Variants in SLC22A3 observed in about 807,000 individuals in gnomAD.
SLC22A3 encodes the protein EMT organic cation transporter 3.
SLC22A3 carries 51 observed loss-of-function variants against 59.1 expected under a neutral mutation model. That is an observed-to-expected ratio of 0.86 (90% CI 0.69 to 1.09). The LOEUF (loss-of-function observed/expected upper bound fraction) is 1.09. SLC22A3 is among the 50% of genes least tolerant of loss of function. SLC22A3 has a pLI of 0.00. For synonymous variants in SLC22A3, 325 were observed against 292.0 expected (o/e 1.11, Z -1.15); for missense variants, 711 against 726.3 (o/e 0.98, Z 0.24).
chr6:160,437,404 T>C (rs1428360435), intron 7 of SLC22A3, among the ~76,000 whole-genome samples, 193 bp downstream of exon 7: 1 of 152,258 alleles, frequency 6.6e-6, no homozygotes, highest in Non-Finnish European at 1.5e-5. Context: ...GATTCTCTTT[T>C]CTCAATTGCT....
intron 1 of SLC22A3, among the ~76,000 whole-genome samples, chr6:160,395,328 C>A (rs113199375): frequency 0.011 from 1,657 of 152,268 alleles, 39 homozygotes; most frequent in African/African-American, 0.037. Context: ...AAGGCAAGCT[C>A]TTGATAGGCC....
intron 1 of SLC22A3, among the ~76,000 whole-genome samples, chr6:160,372,327 C>T (rs182407484): frequency 3.9e-5 from 6 of 152,316 alleles, no homozygotes; most frequent in African/African-American, 1.4e-4. Flanking sequence ...TACTGGCCCC[C>T]ACTCTCTTCT....
At chr6:160,433,515 T>TCTACTACTACTACTACTACTACTA (rs3066966) in intron 5 of SLC22A3, among the ~76,000 whole-genome samples, 3 of 146,870 alleles carry the variant, frequency 2.0e-5, no homozygotes, top group Non-Finnish European at 3.0e-5. Context: ...AGACCCTGTC[T>TCTACTACTACTACTACTACTACTA]CTACTACTAC....
At chr6:160,425,592 T>C (rs1340508891) in intron 5 of SLC22A3, among the ~76,000 whole-genome samples, 1 of 152,166 alleles carries the variant, frequency 6.6e-6, no homozygotes, top group Admixed American at 6.5e-5. Context: ...CTTATTTTCA[T>C]CATATAAATA....
intron 1 of SLC22A3, among the ~76,000 whole-genome samples, chr6:160,392,986 A>G (rs1786322698): frequency 6.6e-6 from 1 of 151,918 alleles, no homozygotes; most frequent in South Asian, 2.1e-4. Flanking sequence ...TCCATTGACA[A>G]CTCATCCCTA....
At chr6:160,441,607 CTTTTTT>C (rs3066987) in intron 7 of SLC22A3, among the ~76,000 whole-genome samples, 1 of 136,600 alleles carries the variant, frequency 7.3e-6, no homozygotes, top group East Asian at 2.1e-4. Flanking sequence ...TGAATTTTAG[CTTTTTT>C]TTTTTTTTTT....
chr6:160,355,724 A>T (rs544842267), intron 1 of SLC22A3, among the ~76,000 whole-genome samples: 1 of 152,126 alleles, frequency 6.6e-6, no homozygotes, highest in Non-Finnish European at 1.5e-5. Context: ...GTAAGCTGAG[A>T]TCGCACCACT....
At chr6:160,433,515 T>TCTA (rs3066966) in intron 5 of SLC22A3, among the ~76,000 whole-genome samples, 35,228 of 146,650 alleles carry the variant, frequency 0.24, 4,496 homozygotes, top group African/African-American at 0.33. Context: ...AGACCCTGTC[T>TCTA]CTACTACTAC....
At chr6:160,408,727 G>T in intron 3 of SLC22A3, 26 bp from the exon 4 acceptor site, 1 of 1,612,100 alleles carries the variant, frequency 6.2e-7, no homozygotes. Context: ...GTGCTTCTGT[G>T]ACCTCTTGTG....
chr6:160,390,289 G>T (rs1005809102), intron 1 of SLC22A3, among the ~76,000 whole-genome samples: 1 of 152,092 alleles, frequency 6.6e-6, no homozygotes, highest in Non-Finnish European at 1.5e-5. Flanking sequence ...AAGCAAGAGC[G>T]GCAGGAAGGA....
intron 1 of SLC22A3, among the ~76,000 whole-genome samples, chr6:160,384,624 A>G (rs987078615): frequency 2.0e-5 from 3 of 152,096 alleles, no homozygotes; most frequent in African/African-American, 7.2e-5. Context: ...GAGCATCCAG[A>G]TCCCCAGATC....
chr6:160,407,301 AGGTTT>A, intron 3 of SLC22A3, 106 bp downstream of exon 3: 1 of 1,169,144 alleles, frequency 8.6e-7, no homozygotes, highest in Non-Finnish European at 1.2e-6. Context: ...TTAACAAAGG[AGGTTT>A]CACTGCAGCT....
chr6:160,403,790 T>A (rs2114845256), intron 2 of SLC22A3, among the ~76,000 whole-genome samples: 1 of 151,528 alleles, frequency 6.6e-6, no homozygotes. Context: ...ATCAATCACA[T>A]CGACAAACTA....
chr6:160,391,168 T>A (rs1381486351), intron 1 of SLC22A3, among the ~76,000 whole-genome samples: 1 of 152,152 alleles, frequency 6.6e-6, no homozygotes, highest in East Asian at 1.9e-4. Flanking sequence ...AGGTTTCAGG[T>A]AGACATAAAA....
chr6:160,429,714 G>A (rs1026007152), intron 5 of SLC22A3, among the ~76,000 whole-genome samples: 2 of 152,132 alleles, frequency 1.3e-5, no homozygotes, highest in African/African-American at 2.4e-5. Flanking sequence ...GCAAGGTTGC[G>A]TACGTGGTAT....
At chr6:160,407,012 T>C (rs2114851602) in intron 2 of SLC22A3, 29 bp from the exon 3 acceptor site, 1 of 1,612,344 alleles carries the variant, frequency 6.2e-7, no homozygotes, top group East Asian at 2.2e-5. Context: ...ATGTTTAAGG[T>C]GAGCTCTTTT....
intron 1 of SLC22A3, among the ~76,000 whole-genome samples, chr6:160,376,358 G>A (rs560647018): frequency 2.6e-5 from 4 of 151,996 alleles, no homozygotes; most frequent in Non-Finnish European, 5.9e-5. Context: ...GGGGCAGGGG[G>A]GTGGTGCGGA....
chr6:160,402,418 T>C (rs1368686951), intron 2 of SLC22A3, among the ~76,000 whole-genome samples: 1 of 151,806 alleles, frequency 6.6e-6, no homozygotes, highest in Non-Finnish European at 1.5e-5. Flanking sequence ...GAATGAGAAA[T>C]AGATTAATCC....
At chr6:160,423,524 A>C (rs1334950103) in intron 5 of SLC22A3, among the ~76,000 whole-genome samples, 1 of 152,122 alleles carries the variant, frequency 6.6e-6, no homozygotes, top group Non-Finnish European at 1.5e-5. Flanking sequence ...AATGATTGCC[A>C]TTCTAACTGG....
Sources: allele counts gnomAD v4.1 joint callset (sites outside exome capture counted in the v4.1 genomes callset), GRCh38; gene constraint gnomAD v4.1.1; transcripts MANE v1.5; gene names NCBI Gene and HGNC (gene_info 2026-07-23, HGNC 2026-07-21).